The following NRAP variants were observed in gnomAD, a reference collection of about 807,000 sequenced individuals.
The protein encoded by NRAP is nebulin-related-anchoring protein.
In NRAP, 189 loss-of-function variants were observed where a neutral mutation model predicts 225.9. That is an observed-to-expected ratio of 0.84 (90% CI 0.74 to 0.94). NRAP has a LOEUF of 0.94. Ranked by LOEUF, NRAP falls within the 40% of genes least tolerant of loss-of-function variation. The pLI is 0.00. For synonymous variants in NRAP, 769 were observed against 790.7 expected (o/e 0.97, Z 0.46); for missense variants, 2,176 against 2,168.7 (o/e 1.00, Z -0.07).
intron 3 of NRAP, among the ~76,000 whole-genome samples, chr10:113,662,415 TGCTA>T (rs916100943): frequency 2.0e-5 from 3 of 152,156 alleles, no homozygotes; most frequent in African/African-American, 7.2e-5. Context: ...CTACTCTGTC[TGCTA>T]TAGGACATTA....
chr10:113,615,019 T>C, intron 27 of NRAP, 73 bp from the exon 28 acceptor site: 1 of 935,052 alleles, frequency 1.1e-6, no homozygotes, highest in South Asian at 1.3e-5. Context: ...CTTACCAAAT[T>C]GGCAATCTGG....
intron 1 of NRAP, 109 bp from the exon 2 acceptor site, chr10:113,663,555 TA>T: frequency 2.8e-6 from 2 of 726,128 alleles, no homozygotes; most frequent in Admixed American, 2.7e-5. Context: ...ATGCTGATTT[TA>T]AAAAAATTAA....
In NRAP at chr10:113,621,923, C is replaced by G. The variant is rs1323383762; in HGVS notation, c.2715G>C (p.Leu905Phe). Residue 905 changes from leucine to phenylalanine, a missense_variant, in exon 24 of 42, where the codon TTG (leucine) becomes TTC (phenylalanine). Leu to Phe is a conservative substitution (Grantham distance 22). Coordinates refer to ENST00000359988, the MANE Select transcript of NRAP (RefSeq NM_198060.4). Reference sequence around the variant, plus strand: ...CCCATTCCACCTTCATGTCTGTGGGCAAAGCCGTAAAGTGATGTTCCGCTG... The same window carrying G: ...CCCATTCCACCTTCATGTCTGTGGGGAAAGCCGTAAAGTGATGTTCCGCTG... ...YKTAEHHFTA[L>F]PTDMKVEWAK... 1.2e-6 allele frequency: 2 copies of G among 1,614,002 alleles called. No individual in the cohort carries two copies. Among genetic ancestry groups the G allele is most frequent in the Middle Eastern group, 1.7e-4 (1 of 6,056 alleles).
chr10:113,650,633 GC>G, intron 7 of NRAP, 88 bp from the exon 8 acceptor site: 1 of 870,938 alleles, frequency 1.1e-6, no homozygotes. Context: ...ATGACATCCT[GC>G]CCATCTCCTG....
Position 113,601,302 on chromosome 10 carries a change from G to C in NRAP, c.4228-3229C>G, listed in dbSNP as rs59366631. 8.7e-3 allele frequency among the ~76,000 whole-genome samples: 1,328 copies of C among 152,350 alleles called. 16 individuals carry two copies. Among genetic ancestry groups the C allele is most frequent in the African/African-American group, 0.03 (1,230 of 41,578 alleles). On this transcript the variant is annotated intron_variant, in intron 35 of 41. Transcript: ENST00000359988. ...TTCTCTCTGGCCTGGGGAGGGCAAA[G>C]TCAGGAGAAGCAGCTGAAGGCTGGG...
chr10:113,598,285 T>C (rs192956763), intron 35 of NRAP, among the ~76,000 whole-genome samples: 1 of 147,926 alleles, frequency 6.8e-6, no homozygotes, highest in African/African-American at 2.5e-5. Context: ...ACATACGAGA[T>C]ACAAGAAGGT....
At chr10:113,603,082 G>C (rs933211458) in intron 35 of NRAP, among the ~76,000 whole-genome samples, 7 of 152,228 alleles carry the variant, frequency 4.6e-5, no homozygotes, top group East Asian at 1.9e-4. Flanking sequence ...TCTAAAATGA[G>C]AGCACCTTCT....
intron 6 of NRAP, 70 bp downstream of exon 6, chr10:113,652,865 C>T (rs572978468): frequency 3.8e-6 from 4 of 1,040,808 alleles, no homozygotes; most frequent in Non-Finnish European, 6.0e-6. Flanking sequence ...TGTTTTTTCC[C>T]TAAATCACGG....
intron 10 of NRAP, 49 bp downstream of exon 10, chr10:113,646,874 T>G (rs901458252): frequency 8.1e-7 from 1 of 1,241,290 alleles, no homozygotes; most frequent in African/African-American, 1.5e-5. Flanking sequence ...GCCTTCAAAG[T>G]CTCACTTCTC....
At chr10:113,598,164 T>C in intron 35 of NRAP, 91 bp from the exon 36 acceptor site, 1 of 806,032 alleles carries the variant, frequency 1.2e-6, no homozygotes, top group Non-Finnish European at 2.2e-6. Flanking sequence ...ATAGCATTTA[T>C]AATAATGCTT....
intron 35 of NRAP, among the ~76,000 whole-genome samples, chr10:113,598,423 T>C (rs1292301953): frequency 6.6e-6 from 1 of 151,788 alleles, no homozygotes; most frequent in Non-Finnish European, 1.5e-5. Flanking sequence ...ATTCTGCCAT[T>C]GAGGCCATTA....
At chr10:113,653,434 G>T (rs963542960) in intron 5 of NRAP, among the ~76,000 whole-genome samples, 91 of 152,258 alleles carry the variant, frequency 6.0e-4, no homozygotes, top group African/African-American at 2.1e-3. Flanking sequence ...CTGACTTTTT[G>T]AATATCTCTG....
In NRAP at chr10:113,612,515, T is replaced by C; in HGVS notation, c.3301-84A>G. 4.4e-6 allele frequency: 5 copies of C among 1,134,972 alleles called. No homozygotes were observed. In the South Asian group the frequency reaches 5.5e-5, roughly 13 times the overall value. The allele number at this position is 1,134,972 out of a possible 1,614,324, so 70.3% of individuals were successfully genotyped here. ...ATCAGGGAGGGCAACTGCAATGCAG[T>C]TGTCTGGAGGTAAGCCCAGGGGAAG... is the stretch of plus-strand genomic sequence containing the variant. On this transcript the variant is annotated intron_variant, in intron 29 of 41. Coordinates refer to ENST00000359988, the MANE Select transcript of NRAP (RefSeq NM_198060.4).
intron 14 of NRAP, among the ~76,000 whole-genome samples, chr10:113,635,722 C>A (rs1236408503): frequency 6.6e-6 from 1 of 152,246 alleles, no homozygotes; most frequent in South Asian, 2.1e-4. Flanking sequence ...GCCACCACAC[C>A]TGGCCCTCTT....
At chr10:113,635,397 G>C (rs1209074923) in intron 14 of NRAP, among the ~76,000 whole-genome samples, 1 of 152,164 alleles carries the variant, frequency 6.6e-6, no homozygotes, top group Non-Finnish European at 1.5e-5. Flanking sequence ...AGAGGTTGTG[G>C]ATAGCAGATA....
chr10:113,596,703 T>C (rs1846299857), intron 37 of NRAP, among the ~76,000 whole-genome samples: 1 of 152,266 alleles, frequency 6.6e-6, no homozygotes, highest in South Asian at 2.1e-4. Context: ...ATACTTGGTA[T>C]TCTTGTCATT....
intron 38 of NRAP, among the ~76,000 whole-genome samples, chr10:113,594,679 C>T (rs1177823452): frequency 6.6e-6 from 1 of 152,244 alleles, no homozygotes; most frequent in African/African-American, 2.4e-5. Flanking sequence ...GTCATAATAA[C>T]TCATATTTAC....
intron 41 of NRAP, 123 bp from the exon 42 acceptor site, chr10:113,589,202 T>C: frequency 7.0e-6 from 5 of 717,948 alleles, no homozygotes; most frequent in Non-Finnish European, 1.1e-5. Flanking sequence ...CTCCCTTTCC[T>C]TTTCCCCTCT....
chr10:113,651,739 G>A lies in NRAP; in HGVS notation c.675+64C>T, dbSNP rs1031092067. The stretch of plus-strand genomic sequence containing the variant: ...ATGTTCATTGCAGCACTATTCACAA[G>A]AGCAAAGATGAGGAATCAACCCAAA... On this transcript the variant is annotated intron_variant, in intron 7 of 41. Transcript: ENST00000359988. 21 of 902,262 alleles carry A rather than the reference G, an allele frequency of 2.3e-5. No individual in the cohort carries two copies. The South Asian group carries it at 2.8e-4, about 12-fold the overall frequency. 55.9% of individuals were successfully genotyped at this position (902,262 alleles called of 1,614,324 possible). A position where few individuals can be genotyped will look rare whatever the true frequency, so the allele number is the denominator to read the frequency against.
Sources: allele counts gnomAD v4.1 joint callset (sites outside exome capture counted in the v4.1 genomes callset), GRCh38; gene constraint gnomAD v4.1.1; transcripts MANE v1.5; gene names NCBI Gene and HGNC (gene_info 2026-07-23, HGNC 2026-07-21).